CFHR2: variants seen among roughly 807,000 people sequenced by gnomAD.
CFHR2 encodes complement factor H related 2.
A neutral mutation model predicts 21.7 loss-of-function variants in CFHR2; 22 were observed. The ratio of observed to expected loss-of-function variants is 1.01; its 90% confidence interval spans 0.72 to 1.45. The LOEUF (loss-of-function observed/expected upper bound fraction) is 1.45. Ranked by LOEUF, CFHR2 falls within the 40% of genes most tolerant of loss-of-function variation. CFHR2 has a pLI of 0.00. For synonymous variants in CFHR2, 98 were observed against 97.4 expected, an observed-to-expected ratio of 1.01 and a Z score of -0.04; for missense variants, 294 against 293.3, an observed-to-expected ratio of 1.00 and a Z score of -0.02.
intron 2 of CFHR2, among the ~76,000 whole-genome samples, chr1:196,949,990 T>C (rs1341598346): frequency 6.6e-6 from 1 of 152,234 alleles, no homozygotes; most frequent in African/African-American, 2.4e-5. Flanking sequence ...ATACATATTC[T>C]GTTTTGAATT....
intron 4 of CFHR2, 93 bp from the exon 5 acceptor site, chr1:196,958,788 C>T: frequency 1.3e-6 from 1 of 763,984 alleles, no homozygotes; most frequent in Non-Finnish European, 2.1e-6. Flanking sequence ...GAAGTAATTC[C>T]TCAACCATCA....
chr1:196,952,948 G>T (rs535019589), intron 3 of CFHR2, among the ~76,000 whole-genome samples: 1 of 152,302 alleles, frequency 6.6e-6, no homozygotes, highest in African/African-American at 2.4e-5. Flanking sequence ...GGTTATCAGA[G>T]TAGATGGAGG....
Position 196,959,227 on chromosome 1 carries a change from T to C in CFHR2, c.*147T>C. 1 of 624,652 alleles carries C rather than the reference T, an allele frequency of 1.6e-6. No homozygotes were observed. The highest frequency in any genetic ancestry group is 2.7e-6 in the Non-Finnish European group (1 of 365,778). The allele number at this position is 624,652 out of a possible 1,614,324, so 38.7% of individuals were successfully genotyped here. ...TTGATTTGTGAAAATGCAATTACAA[T>C]CTGAGATGTGTCACAATGGTGAGGA... On this transcript the variant is annotated 3_prime_UTR_variant, in exon 5 of 5. Coordinates refer to ENST00000367415, the MANE Select transcript of CFHR2 (RefSeq NM_005666.4).
intron 1 of CFHR2, 86 bp from the exon 2 acceptor site, chr1:196,949,369 A>C (rs1659636996): frequency 1.5e-6 from 2 of 1,347,830 alleles, no homozygotes; most frequent in Non-Finnish European, 2.0e-6. Flanking sequence ...GAAAGAAAAA[A>C]ACTAAATGAG....
chr1:196,952,022 C>T (rs1178075713), intron 3 of CFHR2, among the ~76,000 whole-genome samples: 1 of 152,124 alleles, frequency 6.6e-6, no homozygotes. Flanking sequence ...TATGTTGATA[C>T]CAGCTATTCC....
intron 3 of CFHR2, among the ~76,000 whole-genome samples, chr1:196,954,301 A>G (rs1345274660): frequency 6.6e-6 from 1 of 152,234 alleles, no homozygotes; most frequent in Non-Finnish European, 1.5e-5. Context: ...TCTCACATCC[A>G]GGACACACTG....
intron 3 of CFHR2, among the ~76,000 whole-genome samples, chr1:196,954,849 G>A (rs181201734): frequency 3.9e-5 from 6 of 152,344 alleles, no homozygotes; most frequent in African/African-American, 1.4e-4. Flanking sequence ...ACCAGGTCGT[G>A]AGGCTGCACA....
intron 1 of CFHR2, among the ~76,000 whole-genome samples, chr1:196,946,547 T>C: frequency 6.6e-6 from 1 of 152,310 alleles, no homozygotes; most frequent in Non-Finnish European, 1.5e-5. Flanking sequence ...ATATTTTACT[T>C]ATTTATTTAC....
At chr1:196,945,111 G>C (rs1171493315) in intron 1 of CFHR2, among the ~76,000 whole-genome samples, 1 of 144,560 alleles carries the variant, frequency 6.9e-6, no homozygotes, top group South Asian at 2.2e-4. Flanking sequence ...CCCGACCTCA[G>C]GTGATCTGCC....
rs559155210 is a variant in CFHR2 at position 196,957,930 on chromosome 1, A to T, written c.470A>T (p.Asn157Ile). ...EKCGPPPPIDNGDITSFLLSV... is the reference protein window; with the variant it reads ...EKCGPPPPIDIGDITSFLLSV... ...TGTGGGCCCCCTCCACCTATTGACA[A>T]TGGAGACATTACTTCATTCCTGTTG... The change falls in exon 4 of 5, where the codon AAT becomes ATT. Residue 157 changes from asparagine to isoleucine, a missense_variant. Coordinates refer to ENST00000367415, the MANE Select transcript of CFHR2 (RefSeq NM_005666.4). 21 of 1,613,256 alleles carry T rather than the reference A, an allele frequency of 1.3e-5. No individual in the cohort carries two copies. In the East Asian group the frequency reaches 4.7e-4, roughly 36 times the overall value.
intron 3 of CFHR2, among the ~76,000 whole-genome samples, chr1:196,956,519 A>G (rs1468163868): frequency 6.6e-6 from 1 of 152,034 alleles, no homozygotes; most frequent in Non-Finnish European, 1.5e-5. Context: ...GTCTTATTCT[A>G]AAGTTCTCTA....
intron 2 of CFHR2, among the ~76,000 whole-genome samples, chr1:196,950,582 T>A (rs144176563): frequency 6.6e-6 from 1 of 152,162 alleles, no homozygotes; most frequent in African/African-American, 2.4e-5. Context: ...CAAGTGATTC[T>A]CCTGTCTCAG....
At chr1:196,946,560 T>TTTAAACCTTTTTGTTAAAAGG (rs1395206767) in intron 1 of CFHR2, among the ~76,000 whole-genome samples, 1 of 152,192 alleles carries the variant, frequency 6.6e-6, no homozygotes, top group Non-Finnish European at 1.5e-5. Flanking sequence ...TTATTTACTT[T>TTTAAACCTTTTTGTTAAAAGG]TTAAACCTTT....
chr1:196,945,472 T>C (rs1659440089), intron 1 of CFHR2, among the ~76,000 whole-genome samples: 1 of 108,388 alleles, frequency 9.2e-6, no homozygotes, highest in Admixed American at 1.1e-4. Flanking sequence ...TGAAATTCTA[T>C]CTAAAGGTTG....
At chr1:196,958,400 G>C (rs1571498677) in intron 4 of CFHR2, among the ~76,000 whole-genome samples, 1 of 151,730 alleles carries the variant, frequency 6.6e-6, no homozygotes, top group Non-Finnish European at 1.5e-5. Flanking sequence ...GTAAGTGTGT[G>C]TGTGTGTGTG....
rs766661738 is a variant in CFHR2, at chr1:196,949,527, A to G, written c.131A>G (p.Gln44Arg). The G allele has an allele frequency of 4.3e-6, 7 of 1,613,966 alleles. No homozygotes were observed. The highest frequency in any genetic ancestry group is 5.9e-6 in the Non-Finnish European group (7 of 1,179,924). ...GAAGAAAAATATAAGCCATTTTCCC[A>G]AGTTCCTACAGGGGAAGTTTTCTAT... Reference protein sequence around the residue: ...YDEEKYKPFSQVPTGEVFYYS... With the variant: ...YDEEKYKPFSRVPTGEVFYYS... Residue 44 changes from glutamine (Q) to arginine (R), a missense_variant, in exon 2 of 5, where the codon CAA becomes CGA. Transcript: ENST00000367415.
Position 196,950,356 on chromosome 1 carries a change from A to G in CFHR2, c.254-496A>G, listed in dbSNP as rs1659678723. Among the ~76,000 whole-genome samples the G allele has an allele frequency of 2.0e-5, 3 of 152,328 alleles. No individual in the cohort carries two copies. In the South Asian group the frequency reaches 6.2e-4, roughly 32 times the overall value. On this transcript the variant is annotated intron_variant, in intron 2 of 4. Coordinates refer to ENST00000367415, the MANE Select transcript of CFHR2 (RefSeq NM_005666.4). ...TTCTTCTATATGTACATATAAAGGA[A>G]CCAAAAATATATTTCATCATATATA... is the stretch of plus-strand genomic sequence containing the variant.
intron 2 of CFHR2, among the ~76,000 whole-genome samples, chr1:196,950,578 A>G (rs1470977382): frequency 6.6e-6 from 1 of 151,992 alleles, no homozygotes; most frequent in Non-Finnish European, 1.5e-5. Context: ...GGTTCAAGTG[A>G]TTCTCCTGTC....
At position 196,959,217 on chromosome 1, in the gene CFHR2, G is replaced by T; in HGVS notation, c.*137G>T. 1.5e-6 allele frequency: 1 copy of T among 669,642 alleles called. No homozygotes were observed. Among genetic ancestry groups the T allele is most frequent in the Non-Finnish European group, 2.5e-6 (1 of 406,056 alleles). The allele number at this position is 669,642 out of a possible 1,614,324, so 41.5% of individuals were successfully genotyped here. The stretch of plus-strand genomic sequence containing the variant: ...AAGTTTTGTGTTGATTTGTGAAAAT[G>T]CAATTACAATCTGAGATGTGTCACA... On this transcript the variant is annotated 3_prime_UTR_variant, in exon 5 of 5. Transcript: ENST00000367415.
Sources: gnomAD v4.1 joint callset for allele counts (sites outside exome capture counted in the v4.1 genomes callset) on GRCh38, gnomAD v4.1.1 for gene constraint, MANE v1.5 for transcripts, NCBI Gene and HGNC (gene_info 2026-07-23, HGNC 2026-07-21) for gene names.